The following ATXN1 variants were observed in gnomAD, a reference collection of about 807,000 sequenced individuals.
The protein encoded by ATXN1 is ataxin 1, also known as ataxin-1.
In ATXN1, 8 loss-of-function variants were observed where a neutral mutation model predicts 56.4. The observed-to-expected ratio is 0.14, with a 90% CI of 0.08 to 0.26. The LOEUF is 0.26. Among genes scored for constraint, ATXN1 ranks in the 10% least tolerant of loss-of-function variants. ATXN1 has a pLI of 1.00. For missense variants in ATXN1, 987 were observed against 1,106.5 expected (o/e 0.89, Z 1.53); for synonymous variants, 514 against 494.6 (o/e 1.04, Z -0.52).
chr6:16,555,686 C>A (rs1761999462), intron 4 of ATXN1, among the ~76,000 whole-genome samples: 2 of 152,228 alleles, frequency 1.3e-5, no homozygotes, highest in South Asian at 2.1e-4. Flanking sequence ...CCAGTGCTTT[C>A]TTTCCTGCCT....
intron 4 of ATXN1, among the ~76,000 whole-genome samples, chr6:16,571,357 C>A (rs1762328107): frequency 6.6e-6 from 1 of 152,130 alleles, no homozygotes; most frequent in Admixed American, 6.5e-5. Flanking sequence ...TAAAAAGAGT[C>A]TTTATTCTGC....
At chr6:16,739,849 A>G in intron 2 of ATXN1, 1 of 456,952 alleles carries the variant, frequency 2.2e-6, no homozygotes, top group South Asian at 1.5e-5. Context: ...AAAGACACCA[A>G]GTCCCGGGGA....
At chr6:16,348,311 C>T (rs148597249) in intron 6 of ATXN1, among the ~76,000 whole-genome samples, 175 of 152,268 alleles carry the variant, frequency 1.1e-3, no homozygotes, top group African/African-American at 4.0e-3. Flanking sequence ...GCGATCCTCC[C>T]ATTTTGGCTT....
intron 3 of ATXN1, among the ~76,000 whole-genome samples, chr6:16,598,797 G>T (rs1043567666): frequency 6.6e-6 from 1 of 152,248 alleles, no homozygotes; most frequent in Non-Finnish European, 1.5e-5. Flanking sequence ...CTCTGCTCCA[G>T]TGCACAAAAA....
chr6:16,531,475 G>C (rs1581825619), intron 4 of ATXN1, among the ~76,000 whole-genome samples: 4 of 152,008 alleles, frequency 2.6e-5, no homozygotes, highest in Admixed American at 2.0e-4. Flanking sequence ...ATACAAAAAT[G>C]AGCTGGGCGT....
At chr6:16,707,621 G>T (rs182868510) in intron 2 of ATXN1, among the ~76,000 whole-genome samples, 2 of 152,192 alleles carry the variant, frequency 1.3e-5, no homozygotes, top group Non-Finnish European at 2.9e-5. Flanking sequence ...GGTTGATGCA[G>T]CTGAGAGTTA....
chr6:16,565,603 G>A (rs954512570), intron 4 of ATXN1, among the ~76,000 whole-genome samples: 1 of 152,098 alleles, frequency 6.6e-6, no homozygotes, highest in African/African-American at 2.4e-5. Context: ...GAACCAGAAG[G>A]TCTCTGGGTA....
At chr6:16,636,298 C>A (rs552848730) in intron 3 of ATXN1, among the ~76,000 whole-genome samples, 69 of 152,250 alleles carry the variant, frequency 4.5e-4, no homozygotes, top group African/African-American at 1.6e-3. Flanking sequence ...GCAGTGCAGC[C>A]GGAACTGAAA....
chr6:16,427,959 T>A lies in ATXN1; in HGVS notation c.-161+58013A>T, dbSNP rs572557006. Among the ~76,000 whole-genome samples the A allele has an allele frequency of 2.6e-5, 4 of 152,282 alleles. No individual in the cohort carries two copies. The South Asian group carries it at 8.3e-4, about 32-fold the overall frequency. Reference sequence around the variant, plus strand: ...TGTGGGAGGGGGTGCTCAGCTGCACTCTTTTATTATTGAGCTGATTCAAAG... The same window carrying A: ...TGTGGGAGGGGGTGCTCAGCTGCACACTTTTATTATTGAGCTGATTCAAAG... On this transcript the variant is annotated intron_variant, in intron 6 of 7. Transcript: ENST00000436367.
intron 6 of ATXN1, among the ~76,000 whole-genome samples, chr6:16,425,181 T>A (rs1198652123): frequency 1.3e-5 from 2 of 152,188 alleles, no homozygotes; most frequent in African/African-American, 4.8e-5. Flanking sequence ...GAGCACAAAT[T>A]AATATTTACA....
chr6:16,389,680 G>T (rs140240031), intron 6 of ATXN1, among the ~76,000 whole-genome samples: 227 of 152,300 alleles, frequency 1.5e-3, no homozygotes, highest in Non-Finnish European at 2.4e-3. Context: ...TGGAGGAAAA[G>T]AAAACATAGA....
At chr6:16,597,233 C>T (rs1175109950) in intron 3 of ATXN1, among the ~76,000 whole-genome samples, 5 of 152,218 alleles carry the variant, frequency 3.3e-5, no homozygotes, top group African/African-American at 7.2e-5. Context: ...GTAAGGGAAC[C>T]TCGTCAGCCG....
intron 4 of ATXN1, among the ~76,000 whole-genome samples, chr6:16,550,670 A>G (rs779162179): frequency 2.6e-5 from 4 of 152,226 alleles, no homozygotes; most frequent in Non-Finnish European, 4.4e-5. Flanking sequence ...TCAGCCATGG[A>G]CACACAGCTA....
intron 4 of ATXN1, among the ~76,000 whole-genome samples, chr6:16,568,994 G>C (rs547744761): frequency 6.6e-6 from 1 of 152,262 alleles, no homozygotes; most frequent in African/African-American, 2.4e-5. Flanking sequence ...TGGTAAACAA[G>C]AACAGGACCC....
intron 2 of ATXN1, among the ~76,000 whole-genome samples, chr6:16,697,533 C>T (rs1282168200): frequency 1.3e-5 from 2 of 152,030 alleles, no homozygotes; most frequent in African/African-American, 2.4e-5. Context: ...AGAGCTAAGG[C>T]TAACTTTTTC....
intron 2 of ATXN1, among the ~76,000 whole-genome samples, chr6:16,678,222 T>C (rs1216414416): frequency 1.3e-5 from 2 of 152,052 alleles, no homozygotes; most frequent in East Asian, 3.9e-4. Context: ...TTCCGTTGAC[T>C]ATCTTATTTT....
intron 2 of ATXN1, among the ~76,000 whole-genome samples, chr6:16,685,863 G>C (rs1373108809): frequency 6.6e-6 from 1 of 152,152 alleles, no homozygotes; most frequent in African/African-American, 2.4e-5. Flanking sequence ...AGAGCAGAAA[G>C]CACTGACTTT....
chr6:16,498,420 G>A (rs1484727608), intron 5 of ATXN1, among the ~76,000 whole-genome samples: 1 of 151,952 alleles, frequency 6.6e-6, no homozygotes, highest in East Asian at 1.9e-4. Context: ...TCCATATTTG[G>A]GCTACTATGA....
intron 2 of ATXN1, among the ~76,000 whole-genome samples, chr6:16,672,897 C>T (rs1284476215): frequency 6.6e-6 from 1 of 151,696 alleles, no homozygotes; most frequent in East Asian, 1.9e-4. Context: ...TGGGCTACTC[C>T]CAGCTACTTG....
Sources: gnomAD v4.1 joint callset for allele counts (sites outside exome capture counted in the v4.1 genomes callset) on GRCh38, gnomAD v4.1.1 for gene constraint, MANE v1.5 for transcripts, NCBI Gene and HGNC (gene_info 2026-07-23, HGNC 2026-07-21) for gene names.